ZNF395: variants seen among roughly 807,000 people sequenced by gnomAD.
ZNF395 encodes HD gene regulatory region-binding protein 2.
A neutral mutation model predicts 57.7 loss-of-function variants in ZNF395; 20 were observed. That is an observed-to-expected ratio of 0.35 (90% CI 0.24 to 0.50). The LOEUF (loss-of-function observed/expected upper bound fraction) is 0.50. Ranked by LOEUF, ZNF395 falls within the 20% of genes least tolerant of loss-of-function variation. ZNF395 has a pLI of 0.97. For missense variants in ZNF395, 606 were observed against 671.2 expected, an observed-to-expected ratio of 0.90 and a Z score of 1.07; for synonymous variants, 295 against 275.9, an observed-to-expected ratio of 1.07 and a Z score of -0.69.
In ZNF395 at chr8:28,385,299, GAGTC is replaced by G. The variant is rs1802158702; in HGVS notation, c.-59+1090_-59+1093del. ...GCCAGGTGGGCTTCTTTAGGTCTCT[GAGTC>G]AGTTCCAAAGTGAAGGCGCTGAGCC... On this transcript the variant is annotated intron_variant, in intron 1 of 9. Transcript: ENST00000344423. 2.6e-5 allele frequency: 4 copies of G among 152,642 alleles called. No individual in the cohort carries two copies. In the South Asian group the frequency reaches 6.2e-4, roughly 24 times the overall value. 9.5% of individuals were successfully genotyped at this position (152,642 alleles called of 1,614,324 possible). A position where few individuals can be genotyped will look rare whatever the true frequency, so the allele number is the denominator to read the frequency against.
In ZNF395 at chr8:28,352,713, T is replaced by A; in HGVS notation, c.820-40A>T. On this transcript the variant is annotated intron_variant, in intron 5 of 9. Transcript: ENST00000344423. This position sits in a 1 kb window ranked among gnomAD's most constrained non-coding sequence, Gnocchi z 4.0. ...GACAGGGTGAGTGGATATGTCTTTC[T>A]CCTTATCCCTCGCTCAACCTTACCC... 1 of 1,561,318 alleles carries A rather than the reference T, an allele frequency of 6.4e-7. No homozygotes were observed. The highest frequency in any genetic ancestry group is 8.8e-7 in the Non-Finnish European group (1 of 1,132,854).
At chr8:28,370,503 T>A (rs1801964529) in intron 1 of ZNF395, among the ~76,000 whole-genome samples, 2 of 152,196 alleles carry the variant, frequency 1.3e-5, no homozygotes, top group Admixed American at 1.3e-4. Flanking sequence ...GAATGAGAGT[T>A]CACCCCAGTC....
At chr8:28,364,537 G>A (rs576564055) in intron 1 of ZNF395, among the ~76,000 whole-genome samples, 7 of 151,810 alleles carry the variant, frequency 4.6e-5, no homozygotes, top group Admixed American at 1.3e-4. Flanking sequence ...ACTTGTAAGC[G>A]CAGCTACTTG....
chr8:28,364,657 A>C (rs1370663539), intron 1 of ZNF395, among the ~76,000 whole-genome samples: 1 of 151,040 alleles, frequency 6.6e-6, no homozygotes, highest in Non-Finnish European at 1.5e-5. Context: ...CCGTCTCAAA[A>C]AAAAAAAAAA....
rs934042548 is a variant in ZNF395 at position 28,347,887 on chromosome 8, G to C, written c.*832C>G. 6.6e-6 allele frequency: 1 copy of C among 152,232 alleles called. No homozygotes were observed. Among genetic ancestry groups the C allele is most frequent in the Non-Finnish European group, 1.5e-5 (1 of 68,046 alleles). 9.4% of individuals were successfully genotyped at this position (152,232 alleles called of 1,614,324 possible). On this transcript the variant is annotated 3_prime_UTR_variant, in exon 10 of 10. Transcript: ENST00000344423. ...GTCAGGAGGGTGCTTCCTCGGGTCA[G>C]AGCAGAGAGTTTCCAGACGCTCAAA...
rs1281218827 is a variant in ZNF395, at chr8:28,346,505, T to C, written c.*2214A>G. On this transcript the variant is annotated 3_prime_UTR_variant, in exon 10 of 10. Transcript: ENST00000344423. The stretch of plus-strand genomic sequence containing the variant: ...CAGGGAAGGTGGCACCAAAACCTAG[T>C]AAGAACAAAGCAAAACCACCGTGGT... The C allele has an allele frequency of 6.6e-6, 1 of 152,482 alleles. No homozygotes were observed. The highest frequency in any genetic ancestry group is 2.4e-5 in the African/African-American group (1 of 41,458). 9.4% of individuals were successfully genotyped at this position (152,482 alleles called of 1,614,324 possible).
At chr8:28,353,972 A>G (rs1487781333) in intron 4 of ZNF395, among the ~76,000 whole-genome samples, 4 of 152,248 alleles carry the variant, frequency 2.6e-5, no homozygotes, top group Non-Finnish European at 5.9e-5. Context: ...GCCAGTCCAT[A>G]GAAACCTGTG....
chr8:28,366,874 T>C (rs896812238), intron 1 of ZNF395, among the ~76,000 whole-genome samples: 2 of 146,022 alleles, frequency 1.4e-5, no homozygotes, highest in Non-Finnish European at 3.0e-5. Context: ...TTTGAAGAAA[T>C]AGGAGAAAAC....
chr8:28,349,004 G>C (rs1444894816), intron 9 of ZNF395, 121 bp downstream of exon 9: 5 of 1,166,660 alleles, frequency 4.3e-6, no homozygotes, highest in Admixed American at 2.0e-5. Context: ...TGGTGCATCC[G>C]CCATCTGGGC....
intron 7 of ZNF395, among the ~76,000 whole-genome samples, chr8:28,351,138 T>C (rs1801676727): frequency 6.6e-6 from 1 of 152,234 alleles, no homozygotes; most frequent in Non-Finnish European, 1.5e-5. Context: ...CTGGACTGTC[T>C]GTCCACAGAA....
At chr8:28,354,615 C>T (rs931607415) in intron 4 of ZNF395, among the ~76,000 whole-genome samples, 2 of 152,118 alleles carry the variant, frequency 1.3e-5, no homozygotes, top group Non-Finnish European at 2.9e-5. Flanking sequence ...AGAAGCAGCC[C>T]ACCCAAAAAG....
chr8:28,355,763 C>G (rs561462129), intron 4 of ZNF395, among the ~76,000 whole-genome samples: 25 of 152,332 alleles, frequency 1.6e-4, no homozygotes, highest in African/African-American at 5.1e-4. Context: ...AATGCAATGA[C>G]TTCCTTTGGC....
chr8:28,374,024 A>T (rs1802008531), intron 1 of ZNF395, among the ~76,000 whole-genome samples: 2 of 152,172 alleles, frequency 1.3e-5, no homozygotes, highest in Admixed American at 1.3e-4. Flanking sequence ...CTGTGCAGCA[A>T]TGTTTTTTGG....
intron 4 of ZNF395, among the ~76,000 whole-genome samples, chr8:28,355,271 TG>T (rs1309551409): frequency 6.6e-6 from 1 of 152,194 alleles, no homozygotes; most frequent in East Asian, 1.9e-4. Flanking sequence ...AAAGGGACTA[TG>T]TGGCATTTGT....
At chr8:28,385,647 G>A (rs916329774) in intron 1 of ZNF395, among the ~76,000 whole-genome samples, 1 of 148,606 alleles carries the variant, frequency 6.7e-6, no homozygotes, top group Non-Finnish European at 1.5e-5. Flanking sequence ...CGGGAGGGCC[G>A]GGCGCGGGAG....
chr8:28,353,337 C>T lies in ZNF395; in HGVS notation c.655G>A (p.Gly219Ser). 2.5e-6 allele frequency: 4 copies of T among 1,605,320 alleles called. No individual in the cohort carries two copies. The highest frequency in any genetic ancestry group is 3.4e-6 in the Non-Finnish European group (4 of 1,175,808). ...ACACCACTGCTCCCACTCCAGTGAC[C>T]GCTGGTAGTGCTGCTGCCGCTGTCC... ...ISDSGSSTTS[G>S]HWSGSSGVST... Residue 219 changes from glycine to serine, a missense_variant, in exon 5 of 10, where the codon GGT becomes AGT. Physicochemically the swap from Gly to Ser is moderately conservative, Grantham distance 56. Around this residue, in one of 3 missense-constraint regions of ZNF395, gnomAD observed 309 missense variants for 374.7 expected, o/e 0.82. Transcript: ENST00000344423.
intron 7 of ZNF395, 52 bp downstream of exon 7, chr8:28,351,443 C>A: frequency 1.3e-6 from 2 of 1,519,496 alleles, no homozygotes; most frequent in Non-Finnish European, 1.8e-6. Flanking sequence ...ATCAAGCTGG[C>A]CCGTGATGAG....
intron 1 of ZNF395, among the ~76,000 whole-genome samples, chr8:28,372,163 T>A (rs1175765985): frequency 6.6e-6 from 1 of 152,162 alleles, no homozygotes; most frequent in Non-Finnish European, 1.5e-5. Flanking sequence ...ATTGATCCTA[T>A]CCCAGAGGAT....
intron 3 of ZNF395, among the ~76,000 whole-genome samples, chr8:28,358,389 C>T (rs757459904): frequency 6.6e-6 from 1 of 151,744 alleles, no homozygotes; most frequent in South Asian, 2.1e-4. Flanking sequence ...GGATTACAGG[C>T]GTGAGCCACC....
Sources: allele counts gnomAD v4.1 joint callset (sites outside exome capture counted in the v4.1 genomes callset), GRCh38; gene constraint gnomAD v4.1.1; regional missense constraint gnomAD v4.1.1; non-coding constraint Gnocchi (gnomAD v3.1); transcripts MANE v1.5; gene names NCBI Gene and HGNC (gene_info 2026-07-23, HGNC 2026-07-21).